Variants in SHOX2 observed in about 807,000 individuals in gnomAD.
SHOX2 encodes SHOX homeobox 2.
SHOX2 carries 13 observed loss-of-function variants against 31.3 expected under a neutral mutation model. That is an observed-to-expected ratio of 0.42 (90% confidence interval 0.27 to 0.66). SHOX2 has a LOEUF of 0.66. Among genes scored for constraint, SHOX2 ranks in the 30% least tolerant of loss-of-function variants. SHOX2 has a pLI of 0.27. For missense variants in SHOX2, 473 were observed against 443.0 expected (o/e 1.07, Z -0.61); for synonymous variants, 244 against 196.2 (o/e 1.24, Z -2.04).
chr3:158,099,783 A>G (rs1713372954), intron 4 of SHOX2, 77 bp downstream of exon 4: 1 of 1,044,126 alleles, frequency 9.6e-7, no homozygotes, highest in South Asian at 1.3e-5. Flanking sequence ...GCTCAGAGAC[A>G]GGTGATGTTC....
chr3:158,105,989 A>G lies in SHOX2; in HGVS notation c.36T>C (p.Phe12=). 6.2e-7 allele frequency: 1 copy of G among 1,613,050 alleles called. No individual in the cohort carries two copies. The highest frequency in any genetic ancestry group is 1.7e-5 in the Admixed American group (1 of 60,020). ...CCTTCTTCTCCTTCACTTTCTGGTC[A>G]AAAGACTTGGAGACGAACGCCGTAA... The part of the protein sequence containing the change: ...EELTAFVSKS[F]DQKVKEKKEA... Residue 12 remains phenylalanine, a synonymous_variant, in exon 1 of 5, where the codon TTT becomes TTC. Transcript: ENST00000483851.
rs1004245373 is a variant in SHOX2, at chr3:158,106,231, A to T, written c.-207T>A. On this transcript the variant is annotated 5_prime_UTR_variant, in exon 1 of 5. Transcript: ENST00000483851. ...GAGAAGTAGAAGGAGAAAAAGAAGTAAGAAGAGGAGGAGGAGGAAGAAGAG... is the reference window on the plus strand; with the variant it reads ...GAGAAGTAGAAGGAGAAAAAGAAGTTAGAAGAGGAGGAGGAGGAAGAAGAG... 4.0e-6 allele frequency: 3 copies of T among 756,118 alleles called. No homozygotes were observed. In the African/African-American group the frequency reaches 5.6e-5, roughly 14 times the overall value. The allele number at this position is 756,118 out of a possible 1,614,324, so 46.8% of individuals were successfully genotyped here.
At chr3:158,100,056 C>A (rs768237392) in intron 3 of SHOX2, 108 bp from the exon 4 acceptor site, 8 of 1,015,470 alleles carry the variant, frequency 7.9e-6, no homozygotes, top group Non-Finnish European at 1.2e-5. Flanking sequence ...GGACTATTAT[C>A]TTTCTAAACT....
chr3:158,100,107 T>C, intron 3 of SHOX2, 147 bp downstream of exon 3: 1 of 900,128 alleles, frequency 1.1e-6, no homozygotes, highest in Non-Finnish European at 1.7e-6. Context: ...TCCCAAACTT[T>C]AGGACTCCAT....
intron 1 of SHOX2, 132 bp from the exon 2 acceptor site, chr3:158,103,018 T>A: frequency 1.2e-6 from 1 of 860,448 alleles, no homozygotes; most frequent in Non-Finnish European, 1.9e-6. Context: ...AGAGAATCCT[T>A]CCCCCTCGTG....
rs993915389 is a variant in SHOX2 at position 158,097,414 on chromosome 3, C to A, written c.*613G>T. The A allele has an allele frequency of 6.6e-6, 1 of 152,152 alleles. No individual in the cohort carries two copies. Among genetic ancestry groups the A allele is most frequent in the Admixed American group, 6.5e-5 (1 of 15,278 alleles). 9.4% of individuals were successfully genotyped at this position (152,152 alleles called of 1,614,324 possible). On this transcript the variant is annotated 3_prime_UTR_variant, in exon 5 of 5. Transcript: ENST00000483851. ...ATACCTCTTCTTTCTGCTTTGCCTT[C>A]TTAGCGCATTTTTAAAAACACACAT... is the stretch of plus-strand genomic sequence containing the variant.
intron 1 of SHOX2, chr3:158,105,378 G>C (rs1578082194): frequency 1.7e-6 from 1 of 590,934 alleles, no homozygotes. Context: ...CCGGGCTGCG[G>C]GCCCATCCTC....
At chr3:158,104,482 A>C (rs1336322978) in intron 1 of SHOX2, among the ~76,000 whole-genome samples, 18 of 152,276 alleles carry the variant, frequency 1.2e-4, no homozygotes, top group Admixed American at 1.2e-3. Context: ...AGGAAGGAAC[A>C]TTATAGTAAA....
rs75663704 is a variant in SHOX2 at position 158,099,959 on chromosome 3, T to C, written c.614-11A>G. On this transcript the variant is annotated splice_polypyrimidine_tract_variant and intron_variant, in intron 3 of 4. Transcript: ENST00000483851. ...CCCCTATGAGAACACCTGTAAAAAG[T>C]ACAAGAGAAAAATAATGTGAGGTTA... 3,390 of 1,610,382 alleles carry C rather than the reference T, an allele frequency of 2.1e-3. 70 individuals carry two copies. The African/African-American group carries it at 0.041, about 19-fold the overall frequency.
chr3:158,105,716 C>T lies in SHOX2; in HGVS notation c.309G>A (p.Glu103=). The change falls in exon 1 of 5, where the codon GAG becomes GAA. Residue 103 remains glutamate (E), a synonymous_variant. Coordinates refer to ENST00000483851, the MANE Select transcript of SHOX2 (RefSeq NM_001163678.2). ...GCGGGCTGCCCGGCTCCCTGCTTCT[C>T]TCGGCGGCGCCCATGTCCAGCTCCC... The part of the protein sequence containing the change: ...PVRELDMGAA[E]RSREPGSPRL... The T allele has an allele frequency of 6.6e-7, 1 of 1,522,366 alleles. No individual in the cohort carries two copies. The highest frequency in any genetic ancestry group is 8.8e-7 in the Non-Finnish European group (1 of 1,136,534). 94.3% of individuals were successfully genotyped at this position (1,522,366 alleles called of 1,614,324 possible).
rs1252381211 is a variant in SHOX2, at chr3:158,097,921, G to C, written c.*106C>G. On this transcript the variant is annotated 3_prime_UTR_variant, in exon 5 of 5. Transcript: ENST00000483851. ...GGGATGGTCAGTGAGGCGGGAAGAG[G>C]GCCGGCTCCCGAGGTCTCAAAGGGG... 1.4e-6 allele frequency: 2 copies of C among 1,400,962 alleles called. No individual in the cohort carries two copies. Among genetic ancestry groups the C allele is most frequent in the Non-Finnish European group, 1.9e-6 (2 of 1,039,270 alleles). The allele number at this position is 1,400,962 out of a possible 1,614,324, so 86.8% of individuals were successfully genotyped here.
chr3:158,105,753 C>A lies in SHOX2; in HGVS notation c.272G>T (p.Arg91Leu). Residue 91 changes from arginine to leucine, a missense_variant, in exon 1 of 5, where the codon CGC becomes CTC. Physicochemically the swap from Arg to Leu is moderately radical, Grantham distance 102. Around this residue, in one of 3 missense-constraint regions of SHOX2, gnomAD observed 276 missense variants for 230.0 expected, o/e 1.20. Coordinates refer to ENST00000483851, the MANE Select transcript of SHOX2 (RefSeq NM_001163678.2). ...GGAGGGAGGG[R>L]SPVRELDMGA... ...CATGTCCAGCTCCCGGACGGGAGAG[C>A]GCCCTCCTCCAGCTCCTCCGCCTGC... 6.6e-7 allele frequency: 1 copy of A among 1,522,308 alleles called. No homozygotes were observed. The allele number at this position is 1,522,308 out of a possible 1,614,324, so 94.3% of individuals were successfully genotyped here. A position where few individuals can be genotyped will look rare whatever the true frequency, so the allele number is the denominator to read the frequency against.
chr3:158,105,812 G>GCCTCCT lies in SHOX2; in HGVS notation c.212_213insAGGAGG (p.Gly76_Gly77dup). ...CTCCTACACCTCCTCCGCCTCCTCC[G>GCCTCCT]CCGCCGCCTCCGCCTCCTCCGCCGC... On this transcript the variant is annotated inframe_insertion, in exon 1 of 5. Coordinates refer to ENST00000483851, the MANE Select transcript of SHOX2 (RefSeq NM_001163678.2). The GCCTCCT allele has an allele frequency of 1.4e-6, 2 of 1,455,758 alleles. No individual in the cohort carries two copies. The highest frequency in any genetic ancestry group is 1.5e-5 in the African/African-American group (1 of 66,974). The allele number at this position is 1,455,758 out of a possible 1,614,324, so 90.2% of individuals were successfully genotyped here. A position where few individuals can be genotyped will look rare whatever the true frequency, so the allele number is the denominator to read the frequency against.
intron 1 of SHOX2, chr3:158,105,058 C>G (rs1472265897): frequency 2.0e-6 from 2 of 1,002,088 alleles, no homozygotes; most frequent in East Asian, 4.0e-5. Context: ...CCCAACACAC[C>G]AAGAAACCGA....
At chr3:158,105,311 T>C (rs4472013) in intron 1 of SHOX2, 533,507 of 601,420 alleles carry the variant, frequency 0.89, 237,340 homozygotes, top group East Asian at 1. Flanking sequence ...GCCGTCTGGT[T>C]CAGCACCCCC....
intron 2 of SHOX2, among the ~76,000 whole-genome samples, chr3:158,100,937 T>A (rs1242942163): frequency 2.0e-5 from 3 of 152,134 alleles, no homozygotes; most frequent in Admixed American, 2.0e-4. Flanking sequence ...GGAAAACATC[T>A]AGAAAATAAC....
At chr3:158,100,997 GAAA>G (rs930867137) in intron 2 of SHOX2, among the ~76,000 whole-genome samples, 3 of 152,052 alleles carry the variant, frequency 2.0e-5, no homozygotes, top group Non-Finnish European at 4.4e-5. Context: ...CTTCTTAAGA[GAAA>G]AAAAGAAGAG....
chr3:158,101,294 A>G (rs1713472085), intron 2 of SHOX2, among the ~76,000 whole-genome samples: 1 of 152,190 alleles, frequency 6.6e-6, no homozygotes, highest in Non-Finnish European at 1.5e-5. Context: ...AATCTTCAAA[A>G]ATTTCTCTGC....
rs1713085277 is a variant in SHOX2, at chr3:158,096,440, A to AT, written c.*1586_*1587insA. On this transcript the variant is annotated 3_prime_UTR_variant, in exon 5 of 5. Transcript: ENST00000483851. ...AAAAAAACAAAAAAGAAACAAACAA[A>AT]CAAAAAAAAAAGGTTACTTGAATAG... The AT allele has an allele frequency of 9.1e-6, 1 of 109,784 alleles. No individual in the cohort carries two copies. The highest frequency in any genetic ancestry group is 2.1e-5 in the Non-Finnish European group (1 of 47,624). 6.8% of individuals were successfully genotyped at this position (109,784 alleles called of 1,614,324 possible).
Sources: gnomAD v4.1 joint callset for allele counts (sites outside exome capture counted in the v4.1 genomes callset) on GRCh38, gnomAD v4.1.1 for gene constraint, gnomAD v4.1.1 regional missense constraint, MANE v1.5 for transcripts, NCBI Gene and HGNC (gene_info 2026-07-23, HGNC 2026-07-21) for gene names.